Variants in CDH4 observed in about 807,000 individuals in gnomAD.
CDH4 encodes cadherin-4.
CDH4 carries 33 observed loss-of-function variants against 86.0 expected under a neutral mutation model. The observed-to-expected ratio is 0.38, with a 90% CI of 0.29 to 0.51. The LOEUF is 0.51. Among genes scored for constraint, CDH4 ranks in the 20% least tolerant of loss-of-function variants. The pLI is 0.86. For synonymous variants in CDH4, 555 were observed against 549.4 expected (o/e 1.01, Z -0.14); for missense variants, 1,114 against 1,307.4 (o/e 0.85, Z 2.28).
In CDH4 at chr20:61,541,319, G is replaced by A. The variant is rs987010904; in HGVS notation, c.170-202244G>A. ...AGAGGCCACATCTCCAAGCAAGGAC[G>A]AAGCTCCTCCTGGGATTCACCACGA... is the stretch of plus-strand genomic sequence containing the variant. On this transcript the variant is annotated intron_variant, in intron 2 of 15. Coordinates refer to ENST00000614565, the MANE Select transcript of CDH4 (RefSeq NM_001794.5). 8.5e-5 allele frequency among the ~76,000 whole-genome samples: 13 copies of A among 152,228 alleles called. No homozygotes were observed. In the East Asian group the frequency reaches 1.5e-3, roughly 18 times the overall value.
intron 2 of CDH4, among the ~76,000 whole-genome samples, chr20:61,297,399 A>G (rs1268236978): frequency 1.3e-5 from 2 of 151,802 alleles, no homozygotes; most frequent in African/African-American, 4.8e-5. Context: ...CAAAAAACAG[A>G]AAAAAAAAGT....
chr20:61,592,371 G>T (rs1409864811), intron 2 of CDH4, among the ~76,000 whole-genome samples: 1 of 152,148 alleles, frequency 6.6e-6, no homozygotes, highest in African/African-American at 2.4e-5. Flanking sequence ...GCCCTGCAGT[G>T]GTTCCACAGG....
At chr20:61,410,917 C>A (rs2145490705) in intron 2 of CDH4, among the ~76,000 whole-genome samples, 1 of 151,920 alleles carries the variant, frequency 6.6e-6, no homozygotes, top group South Asian at 2.1e-4. Flanking sequence ...ATCCAGTCAT[C>A]CATCCATTCA....
chr20:61,571,320 C>T (rs1464409322), intron 2 of CDH4, among the ~76,000 whole-genome samples: 2 of 152,164 alleles, frequency 1.3e-5, no homozygotes, highest in Non-Finnish European at 2.9e-5. Flanking sequence ...AGGTGCGTGG[C>T]TGATGTTGGT....
chr20:61,624,170 A>G (rs1006561108), intron 2 of CDH4, among the ~76,000 whole-genome samples: 3 of 152,204 alleles, frequency 2.0e-5, no homozygotes, highest in Admixed American at 2.0e-4. Flanking sequence ...GCATCCGGTC[A>G]GTGTTCCCCA....
intron 2 of CDH4, among the ~76,000 whole-genome samples, chr20:61,488,825 C>T (rs1047158930): frequency 1.3e-5 from 2 of 152,174 alleles, no homozygotes; most frequent in Admixed American, 6.5e-5. Context: ...CTAAAACAGT[C>T]ACCATGGACC....
At chr20:61,543,171 T>G (rs543438094) in intron 2 of CDH4, among the ~76,000 whole-genome samples, 12 of 152,302 alleles carry the variant, frequency 7.9e-5, no homozygotes, top group African/African-American at 2.9e-4. Flanking sequence ...GTCTGCCTCT[T>G]CCAGTCCACT....
intron 5 of CDH4, among the ~76,000 whole-genome samples, chr20:61,848,816 C>T (rs1463396275): frequency 6.6e-6 from 1 of 152,198 alleles, no homozygotes; most frequent in Non-Finnish European, 1.5e-5. Flanking sequence ...GTGTAAACCA[C>T]TGCACCGAGC....
chr20:61,443,972 G>C (rs62642814), intron 2 of CDH4, among the ~76,000 whole-genome samples: 2 of 109,964 alleles, frequency 1.8e-5, no homozygotes, highest in Non-Finnish European at 3.8e-5. Context: ...GTGTATCTGT[G>C]TGTGTGATTG....
intron 2 of CDH4, among the ~76,000 whole-genome samples, chr20:61,362,400 GC>G (rs1485089376): frequency 6.6e-6 from 1 of 151,262 alleles, no homozygotes; most frequent in Non-Finnish European, 1.5e-5. Flanking sequence ...GCCTAGGACA[GC>G]GTAGGGGAGA....
intron 2 of CDH4, among the ~76,000 whole-genome samples, chr20:61,688,005 G>A (rs1022616840): frequency 2.6e-5 from 4 of 152,068 alleles, no homozygotes; most frequent in African/African-American, 7.3e-5. Flanking sequence ...ATAATAAGTC[G>A]TAAGTGCAGG....
At chr20:61,591,536 G>C (rs1243620400) in intron 2 of CDH4, among the ~76,000 whole-genome samples, 1 of 152,146 alleles carries the variant, frequency 6.6e-6, no homozygotes, top group Non-Finnish European at 1.5e-5. Flanking sequence ...CAGGTGTGTA[G>C]ATGGGAAGGG....
chr20:61,379,077 C>A (rs554270122), intron 2 of CDH4, among the ~76,000 whole-genome samples: 1 of 152,036 alleles, frequency 6.6e-6, no homozygotes, highest in South Asian at 2.1e-4. Context: ...GTGAGAATGC[C>A]GGGTAGGGGG....
In CDH4 at chr20:61,859,449, A is replaced by C. The variant is rs370978459; in HGVS notation, c.877+6551A>C. Among the ~76,000 whole-genome samples the C allele has an allele frequency of 1.4e-4, 22 of 152,330 alleles. No individual in the cohort carries two copies. The South Asian group carries it at 3.7e-3, about 26-fold the overall frequency. On this transcript the variant is annotated intron_variant, in intron 6 of 15. Transcript: ENST00000614565. ...CTCTTACGGAGCAGGCTTCAGCATC[A>C]AGTCTGAGAGCTCTTCATCAAGCCC... is the stretch of plus-strand genomic sequence containing the variant.
intron 2 of CDH4, among the ~76,000 whole-genome samples, chr20:61,319,997 A>G (rs1600863146): frequency 6.6e-6 from 1 of 151,932 alleles, no homozygotes; most frequent in South Asian, 2.1e-4. Context: ...GATCCACTGC[A>G]GAACATCCAG....
intron 2 of CDH4, among the ~76,000 whole-genome samples, chr20:61,625,813 A>T (rs1403302246): frequency 6.6e-6 from 1 of 152,220 alleles, no homozygotes; most frequent in Non-Finnish European, 1.5e-5. Flanking sequence ...ATCTGTACTT[A>T]CCAGATAAGG....
At chr20:61,793,982 CA>C (rs60192209) in intron 4 of CDH4, among the ~76,000 whole-genome samples, 15 of 142,538 alleles carry the variant, frequency 1.1e-4, no homozygotes, top group South Asian at 2.3e-4. Context: ...ACTAAAAATA[CA>C]AAAAAAAAAA....
At chr20:61,328,833 A>G (rs1238542507) in intron 2 of CDH4, among the ~76,000 whole-genome samples, 4 of 152,218 alleles carry the variant, frequency 2.6e-5, no homozygotes, top group African/African-American at 7.2e-5. Flanking sequence ...AGTTTGCTCA[A>G]GGAGGACCTT....
At chr20:61,621,178 G>A (rs376521455) in intron 2 of CDH4, among the ~76,000 whole-genome samples, 103 of 152,318 alleles carry the variant, frequency 6.8e-4, no homozygotes, top group Admixed American at 9.2e-4. Context: ...ACCATCAGGC[G>A]GAGTGTGCAT....
Sources: allele counts gnomAD v4.1 joint callset (sites outside exome capture counted in the v4.1 genomes callset), GRCh38; gene constraint gnomAD v4.1.1; transcripts MANE v1.5; gene names NCBI Gene and HGNC (gene_info 2026-07-23, HGNC 2026-07-21).